Variants in FGF14 observed in about 807,000 individuals in gnomAD.
FGF14 encodes fibroblast growth factor homologous factor 4.
In FGF14, 5 loss-of-function variants were observed where a neutral mutation model predicts 25.5. That is an observed-to-expected ratio of 0.20 (90% CI 0.10 to 0.41). The LOEUF (loss-of-function observed/expected upper bound fraction) is 0.41. FGF14 is among the 10% of genes least tolerant of loss of function. The pLI is 1.00. For synonymous variants in FGF14, 138 were observed against 118.3 expected (o/e 1.17, Z -1.08); for missense variants, 222 against 320.1 (o/e 0.69, Z 2.34).
intron 1 of FGF14, among the ~76,000 whole-genome samples, chr13:102,115,331 G>A (rs1276551673): frequency 6.6e-6 from 1 of 152,094 alleles, no homozygotes; most frequent in Non-Finnish European, 1.5e-5. Context: ...CCATACCACT[G>A]CAGTCTTATC....
At chr13:102,246,869 A>AT (rs1462391694) in intron 1 of FGF14, among the ~76,000 whole-genome samples, 1 of 152,038 alleles carries the variant, frequency 6.6e-6, no homozygotes. Flanking sequence ...CCAAAACATC[A>AT]TGGTACTAGT....
At chr13:101,980,690 T>C (rs917831095) in intron 1 of FGF14, among the ~76,000 whole-genome samples, 1 of 152,168 alleles carries the variant, frequency 6.6e-6, no homozygotes, top group Non-Finnish European at 1.5e-5. Context: ...TCTTACCAAG[T>C]GCCAACAAGC....
chr13:102,040,619 T>C (rs2041686727), intron 1 of FGF14, among the ~76,000 whole-genome samples: 1 of 152,142 alleles, frequency 6.6e-6, no homozygotes, highest in South Asian at 2.1e-4. Flanking sequence ...CATGGCAAAT[T>C]GGATGGATAT....
chr13:102,281,208 G>A (rs2053816855), intron 1 of FGF14, among the ~76,000 whole-genome samples: 1 of 152,154 alleles, frequency 6.6e-6, no homozygotes, highest in African/African-American at 2.4e-5. Flanking sequence ...ATAAAATAGA[G>A]TAGCATCAAA....
chr13:101,806,245 C>T (rs996120247), intron 3 of FGF14, among the ~76,000 whole-genome samples: 1 of 151,688 alleles, frequency 6.6e-6, no homozygotes, highest in Non-Finnish European at 1.5e-5. Context: ...CGTGATGAAA[C>T]CCAGTCTCTA....
Position 101,736,054 on chromosome 13 carries a change from G to A in FGF14, c.409-9244C>T, listed in dbSNP as rs2036165483. 2.6e-5 allele frequency among the ~76,000 whole-genome samples: 4 copies of A among 152,232 alleles called. No individual in the cohort carries two copies. In the South Asian group the frequency reaches 8.3e-4, roughly 32 times the overall value. On this transcript the variant is annotated intron_variant, in intron 3 of 4. Coordinates refer to ENST00000376143, the MANE Select transcript of FGF14 (RefSeq NM_004115.4). Reference sequence around the variant, plus strand: ...CGTTTCTTTGTTTGACAAATACTCAGGCATCAAAGTAGAGATTAGTGATAG... The same window carrying A: ...CGTTTCTTTGTTTGACAAATACTCAAGCATCAAAGTAGAGATTAGTGATAG...
chr13:101,986,537 A>G (rs1227593071), intron 1 of FGF14, among the ~76,000 whole-genome samples: 2 of 152,158 alleles, frequency 1.3e-5, no homozygotes, highest in Non-Finnish European at 1.5e-5. Flanking sequence ...TGAGTCAAAT[A>G]CAAAAGGGAA....
chr13:101,821,488 A>T (rs1331459440), intron 3 of FGF14, among the ~76,000 whole-genome samples: 1 of 152,180 alleles, frequency 6.6e-6, no homozygotes, highest in Non-Finnish European at 1.5e-5. Context: ...ATTATTCATA[A>T]TGCTGTTATT....
chr13:102,161,664 GA>G (rs2047745699), intron 1 of FGF14, among the ~76,000 whole-genome samples: 3 of 32,438 alleles, frequency 9.2e-5, no homozygotes, highest in Admixed American at 3.9e-4. Flanking sequence ...AGAAGAAGAA[GA>G]AGAAGAAGAA....
In FGF14 at chr13:102,394,966, G is replaced by C. The variant is rs924026952; in HGVS notation, c.208+6505C>G. 5 of 152,704 alleles carry C rather than the reference G, an allele frequency of 3.3e-5. No homozygotes were observed. In the East Asian group the frequency reaches 9.7e-4, roughly 29 times the overall value. The allele number at this position is 152,704 out of a possible 1,614,324, so 9.5% of individuals were successfully genotyped here. ...GCTTCTGCCAAACTTTCTGGTCCCG[G>C]ACACCAACTCCCCGCCTCTCAGCCC... On this transcript the variant is annotated intron_variant, in intron 1 of 4. Coordinates refer to the FGF14 transcript ENST00000376131.
chr13:102,243,885 C>A (rs2051729003), intron 1 of FGF14, among the ~76,000 whole-genome samples: 1 of 151,952 alleles, frequency 6.6e-6, no homozygotes, highest in Non-Finnish European at 1.5e-5. Context: ...AATCCTTTGG[C>A]AACTATGTTG....
At chr13:102,391,334 T>C (rs2139232164) in intron 1 of FGF14, among the ~76,000 whole-genome samples, 1 of 152,258 alleles carries the variant, frequency 6.6e-6, no homozygotes, top group South Asian at 2.1e-4. Flanking sequence ...ACATACTAAC[T>C]ATAGCATTCA....
chr13:101,843,485 C>T (rs2043294457), intron 3 of FGF14, among the ~76,000 whole-genome samples: 1 of 151,934 alleles, frequency 6.6e-6, no homozygotes. Flanking sequence ...ACCATTTATT[C>T]GTAAGTATTT....
intron 3 of FGF14, among the ~76,000 whole-genome samples, chr13:101,830,357 A>G (rs1047604355): frequency 2.0e-5 from 3 of 152,122 alleles, no homozygotes; most frequent in Non-Finnish European, 4.4e-5. Context: ...TGTCAGCAGC[A>G]CCAGATGTTC....
chr13:101,922,631 CTA>C (rs2034081605), intron 1 of FGF14, among the ~76,000 whole-genome samples: 1 of 151,938 alleles, frequency 6.6e-6, no homozygotes, highest in African/African-American at 2.4e-5. Context: ...TTAAAATTAT[CTA>C]TAAATATTAA....
At chr13:101,880,174 T>A (rs2045623804) in intron 1 of FGF14, among the ~76,000 whole-genome samples, 1 of 152,188 alleles carries the variant, frequency 6.6e-6, no homozygotes, top group East Asian at 1.9e-4. Flanking sequence ...ATTATGTGTG[T>A]TAAATTTTAA....
At chr13:102,281,361 G>GA (rs1284428910) in intron 1 of FGF14, among the ~76,000 whole-genome samples, 1 of 152,088 alleles carries the variant, frequency 6.6e-6, no homozygotes, top group African/African-American at 2.4e-5. Context: ...CCCTCTCCCT[G>GA]AAAACTCTAT....
At chr13:102,056,640 C>T (rs778347429) in intron 1 of FGF14, among the ~76,000 whole-genome samples, 4 of 151,850 alleles carry the variant, frequency 2.6e-5, no homozygotes, top group Non-Finnish European at 4.4e-5. Context: ...AGAAACATTT[C>T]GTAATATTAA....
chr13:102,323,967 G>A (rs927950114), intron 1 of FGF14, among the ~76,000 whole-genome samples: 105 of 138,212 alleles, frequency 7.6e-4, no homozygotes, highest in African/African-American at 3.0e-3. Flanking sequence ...ATGTGTGTGT[G>A]TGTGTGTGTG....
Sources: gnomAD v4.1 joint callset for allele counts (sites outside exome capture counted in the v4.1 genomes callset) on GRCh38, gnomAD v4.1.1 for gene constraint, MANE v1.5 for transcripts, NCBI Gene and HGNC (gene_info 2026-07-23, HGNC 2026-07-21) for gene names.